The following NCAM2 variants were observed in gnomAD, a reference collection of about 807,000 sequenced individuals.
NCAM2 encodes N-CAM-2.
NCAM2 carries 30 observed loss-of-function variants against 98.1 expected under a neutral mutation model. The observed-to-expected ratio is 0.31, with a 90% confidence interval of 0.23 to 0.41. The LOEUF is 0.41. Ranked by LOEUF, NCAM2 falls within the 10% of genes least tolerant of loss-of-function variation. The pLI, the probability that NCAM2 is intolerant of heterozygous loss-of-function variation, is 1.00. For missense variants in NCAM2, 867 were observed against 1,005.8 expected, an observed-to-expected ratio of 0.86 and a Z score of 1.87; for synonymous variants, 368 against 342.4, an observed-to-expected ratio of 1.07 and a Z score of -0.83.
intron 12 of NCAM2, among the ~76,000 whole-genome samples, chr21:21,463,307 C>T (rs1324262480): frequency 6.6e-6 from 1 of 152,076 alleles, no homozygotes; most frequent in Non-Finnish European, 1.5e-5. Flanking sequence ...AATGTAGTCT[C>T]AATGTGTGGA....
chr21:21,305,211 G>A (rs774402541), intron 5 of NCAM2, among the ~76,000 whole-genome samples: 11 of 151,986 alleles, frequency 7.2e-5, no homozygotes, highest in Admixed American at 1.3e-4. Flanking sequence ...CCAGATACTC[G>A]GGAGGCTGAG....
chr21:21,479,280 G>C (rs143998012), intron 15 of NCAM2, among the ~76,000 whole-genome samples: 1 of 152,030 alleles, frequency 6.6e-6, no homozygotes, highest in African/African-American at 2.4e-5. Flanking sequence ...CAATGACTCT[G>C]CTATCTTTGT....
chr21:21,095,491 A>T (rs116548539), intron 1 of NCAM2, among the ~76,000 whole-genome samples: 34,484 of 119,452 alleles, frequency 0.29, 4,565 homozygotes, highest in African/African-American at 0.52. Flanking sequence ...TACCTTTTTA[A>T]AAAAAAAAGC....
chr21:21,115,021 A>T (rs532515013), intron 1 of NCAM2, among the ~76,000 whole-genome samples: 1 of 151,970 alleles, frequency 6.6e-6, no homozygotes, highest in Non-Finnish European at 1.5e-5. Flanking sequence ...GGGTTTCACC[A>T]TGTTGGCCAG....
chr21:21,403,014 C>T (rs2076665492), intron 9 of NCAM2, among the ~76,000 whole-genome samples: 1 of 152,060 alleles, frequency 6.6e-6, no homozygotes, highest in African/African-American at 2.4e-5. Context: ...GAGTTTATAT[C>T]TTCTTATGGC....
At chr21:21,406,172 G>T (rs2076734507) in intron 9 of NCAM2, among the ~76,000 whole-genome samples, 1 of 152,118 alleles carries the variant, frequency 6.6e-6, no homozygotes, top group Non-Finnish European at 1.5e-5. Flanking sequence ...CAAGACTATT[G>T]CAATAGAAGA....
At chr21:21,075,483 C>T (rs1473531675) in intron 1 of NCAM2, among the ~76,000 whole-genome samples, 3 of 152,032 alleles carry the variant, frequency 2.0e-5, no homozygotes, top group African/African-American at 7.2e-5. Flanking sequence ...TTTTTCTTGG[C>T]TTTAGTGCAA....
chr21:21,113,058 T>C (rs990367139), intron 1 of NCAM2, among the ~76,000 whole-genome samples: 1 of 152,200 alleles, frequency 6.6e-6, no homozygotes, highest in Non-Finnish European at 1.5e-5. Flanking sequence ...TTGTGGTTTT[T>C]AGAATTTAAG....
intron 1 of NCAM2, among the ~76,000 whole-genome samples, chr21:21,220,454 G>A (rs1568788821): frequency 6.6e-6 from 1 of 152,054 alleles, no homozygotes; most frequent in Non-Finnish European, 1.5e-5. Flanking sequence ...ATACCACACA[G>A]CCTAGGTTTG....
intron 1 of NCAM2, among the ~76,000 whole-genome samples, chr21:21,187,790 G>A (rs1185785880): frequency 6.6e-6 from 1 of 152,184 alleles, no homozygotes; most frequent in Admixed American, 6.5e-5. Context: ...TACTGAGTGA[G>A]CACATTAGTG....
chr21:21,516,662 T>G (rs2146376403), intron 16 of NCAM2, among the ~76,000 whole-genome samples: 1 of 152,266 alleles, frequency 6.6e-6, no homozygotes, highest in African/African-American at 2.4e-5. Flanking sequence ...CAACCATCTG[T>G]ATTTTTTTTC....
chr21:21,481,699 T>A (rs2146279430), intron 15 of NCAM2, among the ~76,000 whole-genome samples: 1 of 152,220 alleles, frequency 6.6e-6, no homozygotes, highest in East Asian at 1.9e-4. Flanking sequence ...GACAAAGCCA[T>A]CTGAGAAGGT....
At chr21:21,127,094 A>G (rs940310964) in intron 1 of NCAM2, among the ~76,000 whole-genome samples, 2 of 151,988 alleles carry the variant, frequency 1.3e-5, no homozygotes, top group Non-Finnish European at 2.9e-5. Context: ...TAATGTAACT[A>G]TATTAAATTT....
At chr21:21,299,210 G>A (rs1157168977) in intron 5 of NCAM2, among the ~76,000 whole-genome samples, 1 of 151,238 alleles carries the variant, frequency 6.6e-6, no homozygotes, top group Non-Finnish European at 1.5e-5. Context: ...TCCTCAAAAT[G>A]TGCTGCACTA....
intron 10 of NCAM2, among the ~76,000 whole-genome samples, chr21:21,410,876 G>A (rs1448607128): frequency 1.3e-5 from 2 of 149,084 alleles, no homozygotes; most frequent in Non-Finnish European, 3.0e-5. Context: ...GTGTGGTGGT[G>A]TGTGCCTATA....
chr21:21,055,036 A>G (rs1027064819), intron 1 of NCAM2, among the ~76,000 whole-genome samples: 1 of 152,060 alleles, frequency 6.6e-6, no homozygotes, highest in African/African-American at 2.4e-5. Flanking sequence ...GAAACTTAAA[A>G]ATATTAGCTA....
At chr21:21,269,621 G>T (rs1213818820) in intron 1 of NCAM2, among the ~76,000 whole-genome samples, 1 of 152,114 alleles carries the variant, frequency 6.6e-6, no homozygotes. Context: ...TAAAGTTCAT[G>T]TTACAGTAAT....
chr21:21,248,632 CT>C (rs2147274506), intron 1 of NCAM2, among the ~76,000 whole-genome samples: 1 of 151,798 alleles, frequency 6.6e-6, no homozygotes, highest in Non-Finnish European at 1.5e-5. Context: ...AAAAAATTAG[CT>C]GGGCGTGGTG....
At chr21:21,308,162 A>T (rs528575749) in intron 5 of NCAM2, among the ~76,000 whole-genome samples, 1 of 152,184 alleles carries the variant, frequency 6.6e-6, no homozygotes, top group South Asian at 2.1e-4. Context: ...TTAATGTTAA[A>T]GTTATTAGAA....
Sources: allele counts gnomAD v4.1 joint callset (sites outside exome capture counted in the v4.1 genomes callset), GRCh38; gene constraint gnomAD v4.1.1; transcripts MANE v1.5; gene names NCBI Gene and HGNC (gene_info 2026-07-23, HGNC 2026-07-21).